Variants in CNBD2 observed in about 807,000 individuals in gnomAD.
CNBD2 encodes the protein cyclic nucleotide-binding domain-containing protein 2.
In CNBD2, 64 loss-of-function variants were observed where a neutral mutation model predicts 63.7. The observed-to-expected ratio is 1.00, with a 90% CI of 0.82 to 1.24. The LOEUF is 1.24. CNBD2 is among the 50% of genes most tolerant of loss of function. The pLI, the probability that CNBD2 is intolerant of heterozygous loss-of-function variation, is 0.00. For missense variants in CNBD2, 691 were observed against 713.5 expected (o/e 0.97, Z 0.36); for synonymous variants, 229 against 255.4 (o/e 0.90, Z 0.99).
intron 9 of CNBD2, among the ~76,000 whole-genome samples, chr20:36,009,444 C>T (rs754296871): frequency 5.9e-5 from 9 of 151,732 alleles, no homozygotes; most frequent in South Asian, 2.1e-4. Flanking sequence ...CCTCGTGATC[C>T]GCCCACCTCG....
intron 3 of CNBD2, 24 bp from the exon 4 acceptor site, chr20:35,980,435 A>G: frequency 1.9e-6 from 3 of 1,613,362 alleles, no homozygotes; most frequent in Non-Finnish European, 2.5e-6. Context: ...GGTCCCCTGT[A>G]TCACTCTGGT....
At chr20:35,993,146 C>CA (rs555163591) in intron 7 of CNBD2, among the ~76,000 whole-genome samples, 209 of 142,812 alleles carry the variant, frequency 1.5e-3, no homozygotes, top group African/African-American at 4.7e-3. Context: ...CCCTATAGCT[C>CA]AAAAAAAAGA....
At chr20:35,971,093 G>A (rs1012749005) in intron 1 of CNBD2, among the ~76,000 whole-genome samples, 3 of 149,520 alleles carry the variant, frequency 2.0e-5, no homozygotes, top group East Asian at 4.0e-4. Flanking sequence ...GACTACAGGC[G>A]CCCGCCACTA....
At chr20:36,024,589 A>G (rs1380490998) in intron 11 of CNBD2, among the ~76,000 whole-genome samples, 1 of 151,192 alleles carries the variant, frequency 6.6e-6, no homozygotes, top group Non-Finnish European at 1.5e-5. Flanking sequence ...AAATTACACC[A>G]TTGCACTCCA....
At chr20:35,981,776 T>C (rs766344930) in intron 4 of CNBD2, among the ~76,000 whole-genome samples, 1 of 152,118 alleles carries the variant, frequency 6.6e-6, no homozygotes, top group Non-Finnish European at 1.5e-5. Flanking sequence ...TCCAGGCTGA[T>C]ACTGGTTTGT....
At chr20:36,008,244 C>A in intron 8 of CNBD2, 53 bp from the exon 9 acceptor site, 1 of 1,448,108 alleles carries the variant, frequency 6.9e-7, no homozygotes, top group Non-Finnish European at 9.4e-7. Context: ...ACCACCATAA[C>A]CATCATATAT....
upstream of CNBD2, among the ~76,000 whole-genome samples, chr20:35,966,769 A>G (rs577552520): frequency 6.6e-6 from 1 of 151,878 alleles, no homozygotes; most frequent in Admixed American, 6.6e-5. Flanking sequence ...GGATGAACCT[A>G]CTCCCAGCCT....
exon 1 of CNBD2, chr20:35,955,287 C>G (rs1306678432): frequency 6.6e-6 from 1 of 152,262 alleles, no homozygotes; most frequent in Non-Finnish European, 1.5e-5. Flanking sequence ...TAAAAATTAT[C>G]TCAATACTTT....
chr20:35,978,929 G>A (rs1169429988), intron 3 of CNBD2, among the ~76,000 whole-genome samples: 3 of 152,194 alleles, frequency 2.0e-5, no homozygotes, highest in Non-Finnish European at 4.4e-5. Flanking sequence ...TTAACTATCT[G>A]TGTTGTTCTG....
intron 10 of CNBD2, among the ~76,000 whole-genome samples, chr20:36,020,038 T>C (rs1194405388): frequency 3.3e-5 from 5 of 152,192 alleles, no homozygotes; most frequent in Non-Finnish European, 7.4e-5. Context: ...AAAGCCTAGG[T>C]TTATTGCTTT....
chr20:35,958,811 C>T (rs952179569), downstream of CNBD2: 4 of 152,210 alleles, frequency 2.6e-5, no homozygotes, highest in African/African-American at 4.8e-5. Flanking sequence ...CAGGCAACCA[C>T]TAATCTATTC....
At chr20:35,955,124 A>G (rs1279352842) in exon 1 of CNBD2, 2 of 169,658 alleles carry the variant, frequency 1.2e-5, no homozygotes, top group African/African-American at 4.8e-5. Context: ...AGCATTTAAT[A>G]AGTGAACTCT....
At chr20:36,000,252 G>A (rs1177968670) in intron 8 of CNBD2, among the ~76,000 whole-genome samples, 19 of 151,534 alleles carry the variant, frequency 1.3e-4, no homozygotes, top group Admixed American at 1.2e-3. Context: ...AAGTTGACAG[G>A]TTTTTTCTTT....
upstream of CNBD2, chr20:35,968,444 T>G: frequency 3.6e-6 from 1 of 279,142 alleles, no homozygotes; most frequent in Non-Finnish European, 7.1e-6. Flanking sequence ...TGGAGTTGAG[T>G]AAAAGTTTGG....
intron 10 of CNBD2, among the ~76,000 whole-genome samples, chr20:36,012,367 A>G (rs772731849): frequency 2.0e-5 from 3 of 151,528 alleles, no homozygotes; most frequent in Non-Finnish European, 4.4e-5. Context: ...AATCCCAGCT[A>G]TTTGGGAGGC....
At chr20:35,967,908 G>C (rs1568845238), upstream of CNBD2, among the ~76,000 whole-genome samples, 1 of 152,158 alleles carries the variant, frequency 6.6e-6, no homozygotes, top group Non-Finnish European at 1.5e-5. Context: ...TTGAGACTTA[G>C]CTTAGGAGAG....
At chr20:35,954,672 G>A (rs922677575), upstream of CNBD2, 1 of 1,192,796 alleles carries the variant, frequency 8.4e-7, no homozygotes. Context: ...GCCAGTTCGA[G>A]GAGGAGTCGG....
chr20:36,010,954 G>A (rs1027658063), intron 9 of CNBD2, among the ~76,000 whole-genome samples, 183 bp from the exon 10 acceptor site: 6 of 152,138 alleles, frequency 3.9e-5, no homozygotes, highest in Non-Finnish European at 5.9e-5. Flanking sequence ...CTCCTCTTTC[G>A]CACCCTCCAA....
rs76834988 is a variant in CNBD2, at chr20:36,008,174, A to T, written c.971-123A>T. ...AGTGTTTTATCTTTCTTTTTTTTTT[A>T]AAAAATTTCCCCATGTGCTAGACCA... On this transcript the variant is annotated intron_variant, in intron 8 of 11. Coordinates refer to ENST00000373973, the MANE Select transcript of CNBD2 (RefSeq NM_001365709.1). The T allele has an allele frequency of 0.018, 12,968 of 724,538 alleles. 358 individuals are homozygous for T. The highest frequency in any genetic ancestry group is 0.11 in the African/African-American group (5,918 of 55,580). 44.9% of individuals were successfully genotyped at this position (724,538 alleles called of 1,614,324 possible).
Sources: allele counts gnomAD v4.1 joint callset (sites outside exome capture counted in the v4.1 genomes callset), GRCh38; gene constraint gnomAD v4.1.1; transcripts MANE v1.5; gene names NCBI Gene and HGNC (gene_info 2026-07-23, HGNC 2026-07-21).